CDH13: variants seen among roughly 807,000 people sequenced by gnomAD.
CDH13 encodes the protein cadherin-13.
Under a neutral mutation model 63.8 loss-of-function variants are expected in CDH13, and 24 were observed. The ratio of observed to expected loss-of-function variants is 0.38; its 90% CI spans 0.27 to 0.53. CDH13 has a LOEUF of 0.53. Ranked by LOEUF, CDH13 falls within the 20% of genes least tolerant of loss-of-function variation. CDH13 has a pLI of 0.85. For synonymous variants in CDH13, 503 were observed against 355.3 expected (o/e 1.42, Z -4.67); for missense variants, 1,049 against 903.1 (o/e 1.16, Z -2.07).
chr16:83,647,635 A>G (rs1598410267), intron 8 of CDH13, among the ~76,000 whole-genome samples: 1 of 152,242 alleles, frequency 6.6e-6, no homozygotes, highest in Non-Finnish European at 1.5e-5. Context: ...TTTTTGACAG[A>G]GAAGGAAAAT....
intron 1 of CDH13, among the ~76,000 whole-genome samples, chr16:82,716,034 C>T (rs942571713): frequency 6.6e-6 from 1 of 152,166 alleles, no homozygotes; most frequent in African/African-American, 2.4e-5. Context: ...AGTTCTTTGG[C>T]TCTGCCTAAA....
intron 1 of CDH13, among the ~76,000 whole-genome samples, chr16:82,836,396 C>T (rs1269968251): frequency 5.3e-5 from 8 of 152,144 alleles, no homozygotes; most frequent in African/African-American, 1.9e-4. Flanking sequence ...GTGATCCACC[C>T]GCCTTGGCCT....
chr16:83,486,435 C>G (rs1177070951), intron 6 of CDH13, 42 bp from the exon 7 acceptor site: 1 of 1,570,978 alleles, frequency 6.4e-7, no homozygotes, highest in African/African-American at 1.3e-5. Context: ...CGTTGTTGAC[C>G]CATTGATAAC....
intron 8 of CDH13, among the ~76,000 whole-genome samples, chr16:83,665,401 C>G (rs551440420): frequency 3.9e-5 from 6 of 152,106 alleles, no homozygotes; most frequent in Non-Finnish European, 8.8e-5. Flanking sequence ...TTGCCAAGCT[C>G]CTTAAATGCA....
intron 6 of CDH13, among the ~76,000 whole-genome samples, chr16:83,438,757 A>G (rs1239937465): frequency 6.6e-6 from 1 of 152,222 alleles, no homozygotes; most frequent in Non-Finnish European, 1.5e-5. Flanking sequence ...TGGTTGTCTG[A>G]CAATATTTCT....
chr16:83,470,245 A>C (rs2073420437), intron 6 of CDH13, among the ~76,000 whole-genome samples: 1 of 152,068 alleles, frequency 6.6e-6, no homozygotes, highest in Non-Finnish European at 1.5e-5. Flanking sequence ...TTTTAGAGAA[A>C]GGTGTCTCAC....
At chr16:83,432,202 A>G (rs1598006827) in intron 6 of CDH13, among the ~76,000 whole-genome samples, 1 of 152,262 alleles carries the variant, frequency 6.6e-6, no homozygotes, top group African/African-American at 2.4e-5. Flanking sequence ...TCTTTTATCC[A>G]CAAGGTTGTC....
rs71146085 is a variant in CDH13, at chr16:82,689,982, TAAAAAAAAAAAAA to T, written c.45+62869_45+62881del. Among the ~76,000 whole-genome samples the T allele has an allele frequency of 3.5e-3, 55 of 15,780 alleles. 1 individual carries two copies. The highest frequency in any genetic ancestry group is 0.029 in the Admixed American group (22 of 758). The allele number at this position is 15,780 out of a possible 152,430, so 10.4% of individuals were successfully genotyped here. On this transcript the variant is annotated intron_variant, in intron 1 of 13. Coordinates refer to ENST00000567109, the MANE Select transcript of CDH13 (RefSeq NM_001257.5). ...CAACATGGTGAAACGCCATCTCTAC[TAAAAAAAAAAAAA>T]AAAAAAAAAAAAAAAAAAAAAAATT...
intron 5 of CDH13, among the ~76,000 whole-genome samples, chr16:83,322,893 G>A (rs1443077006): frequency 2.6e-5 from 4 of 152,122 alleles, no homozygotes; most frequent in African/African-American, 7.2e-5. Flanking sequence ...AGAGAAGGAT[G>A]ACACTTTGTT....
At chr16:83,437,194 T>A (rs1201700925) in intron 6 of CDH13, among the ~76,000 whole-genome samples, 1 of 152,146 alleles carries the variant, frequency 6.6e-6, no homozygotes, top group Non-Finnish European at 1.5e-5. Flanking sequence ...AAGGTGACTC[T>A]CATTTATCAG....
chr16:83,443,702 TACGAAAAAAAAAAAAAA>T (rs1425042110), intron 6 of CDH13, among the ~76,000 whole-genome samples: 3 of 41,082 alleles, frequency 7.3e-5, no homozygotes, highest in African/African-American at 9.2e-5. Flanking sequence ...GCGAAGTCCC[TACGAAAAAAAAAAAAAA>T]AAAAAAAAAA....
At chr16:83,520,174 A>T (rs2074795919) in intron 7 of CDH13, among the ~76,000 whole-genome samples, 1 of 152,220 alleles carries the variant, frequency 6.6e-6, no homozygotes, top group East Asian at 1.9e-4. Flanking sequence ...TAATGACAGA[A>T]TAAGTCAATG....
intron 3 of CDH13, among the ~76,000 whole-genome samples, chr16:83,078,794 G>T (rs766538185): frequency 2.6e-5 from 4 of 152,002 alleles, no homozygotes; most frequent in Non-Finnish European, 4.4e-5. Flanking sequence ...GTTTGTTTTG[G>T]TTTTTTGGTT....
chr16:82,986,932 A>T (rs12448457), intron 2 of CDH13, among the ~76,000 whole-genome samples: 1 of 152,218 alleles, frequency 6.6e-6, no homozygotes, highest in Non-Finnish European at 1.5e-5. Flanking sequence ...AGTTAAGTCT[A>T]TGGAAAGGGA....
intron 13 of CDH13, among the ~76,000 whole-genome samples, chr16:83,792,311 TAAATA>T (rs1474060237): frequency 2.0e-5 from 3 of 152,246 alleles, no homozygotes; most frequent in Admixed American, 6.5e-5. Context: ...TTACATAAAT[TAAATA>T]AATTTCCTCA....
chr16:82,725,458 A>G (rs1234800766), intron 1 of CDH13, among the ~76,000 whole-genome samples: 1 of 152,124 alleles, frequency 6.6e-6, no homozygotes, highest in African/African-American at 2.4e-5. Context: ...AAGTCATGCA[A>G]CTCCTCAGAG....
intron 7 of CDH13, among the ~76,000 whole-genome samples, chr16:83,501,460 T>A (rs1598166509): frequency 0.022 from 2 of 90 alleles, no homozygotes; most frequent in East Asian, 0.33. Context: ...AGTCAAGAGA[T>A]TCTCCATTCT....
chr16:83,400,412 C>G (rs1438493180), intron 6 of CDH13, among the ~76,000 whole-genome samples: 1 of 152,132 alleles, frequency 6.6e-6, no homozygotes, highest in Non-Finnish European at 1.5e-5. Context: ...CCGGATGGCC[C>G]AACTCCAGGA....
intron 2 of CDH13, among the ~76,000 whole-genome samples, chr16:82,873,982 A>G (rs2040424549): frequency 6.6e-6 from 1 of 152,156 alleles, no homozygotes; most frequent in African/African-American, 2.4e-5. Flanking sequence ...TACTCTATGA[A>G]AAATATTTGA....
Sources: allele counts gnomAD v4.1 joint callset (sites outside exome capture counted in the v4.1 genomes callset), GRCh38; gene constraint gnomAD v4.1.1; transcripts MANE v1.5; gene names NCBI Gene and HGNC (gene_info 2026-07-23, HGNC 2026-07-21).